Variants in CRNN observed in about 807,000 individuals in gnomAD.
CRNN encodes 53 kDa putative calcium-binding protein.
CRNN carries 39 observed loss-of-function variants against 44.7 expected under a neutral mutation model. That is an observed-to-expected ratio of 0.87 (90% confidence interval 0.68 to 1.14). CRNN has a LOEUF of 1.14. Ranked by LOEUF, CRNN falls within the 50% of genes most tolerant of loss-of-function variation. CRNN has a pLI of 0.00. For missense variants in CRNN, 606 were observed against 605.1 expected, an observed-to-expected ratio of 1.00 and a Z score of -0.02; for synonymous variants, 240 against 231.8, an observed-to-expected ratio of 1.04 and a Z score of -0.32.
chr1:152,409,291 A>G lies in CRNN; in HGVS notation c.*303T>C. On this transcript the variant is annotated 3_prime_UTR_variant, in exon 3 of 3. Transcript: ENST00000271835. Reference sequence around the variant, plus strand: ...TGCATTAGGGTAGATGGGGCAATAGAGAGATGTCAGAGATAAAAATAGTCC... The same window carrying G: ...TGCATTAGGGTAGATGGGGCAATAGGGAGATGTCAGAGATAAAAATAGTCC... 2.7e-6 allele frequency: 1 copy of G among 372,834 alleles called. No individual in the cohort carries two copies. Among genetic ancestry groups the G allele is most frequent in the Non-Finnish European group, 4.8e-6 (1 of 206,952 alleles). The allele number at this position is 372,834 out of a possible 1,614,324, so 23.1% of individuals were successfully genotyped here.
rs761133098 is a variant in CRNN at position 152,410,081 on chromosome 1, C to A, written c.1001G>T (p.Gly334Val). ...CACAGCCTGGCTGGTCTGGCTCCTGCCTTGACCGTGGATCTCAGTCCCTCT... is the reference window on the plus strand; with the variant it reads ...CACAGCCTGGCTGGTCTGGCTCCTGACTTGACCGTGGATCTCAGTCCCTCT... ...QNRGTEIHGQ[G>V]RSQTSQAVTG... The change falls in exon 3 of 3, where the codon GGC (glycine) becomes GTC (valine). Residue 334 changes from glycine (G) to valine (V), a missense_variant. Physicochemically the swap from Gly to Val is moderately radical, Grantham distance 109. Coordinates refer to ENST00000271835, the MANE Select transcript of CRNN (RefSeq NM_016190.3). 6.8e-6 allele frequency: 11 copies of A among 1,613,856 alleles called. No individual in the cohort carries two copies. In the African/African-American group the frequency reaches 9.4e-5, roughly 14 times the overall value.
At position 152,409,779 on chromosome 1, in the gene CRNN, G is replaced by C; in HGVS notation, c.1303C>G (p.Pro435Ala). The C allele has an allele frequency of 6.2e-7, 1 of 1,614,180 alleles. No individual in the cohort carries two copies. The highest frequency in any genetic ancestry group is 8.5e-7 in the Non-Finnish European group (1 of 1,180,026). Reference sequence around the variant, plus strand: ...ACCCATTCCTCACCAACCACTGTGGGCTGTCTGTCTCCCTGCCCTTCTGTC... The same window carrying C: ...ACCCATTCCTCACCAACCACTGTGGCCTGTCTGTCTCCCTGCCCTTCTGTC... ...CVTEGQGDRQ[P>A]TVVGEEWVDD... The change falls in exon 3 of 3, where the codon CCC becomes GCC. Residue 435 changes from proline (P) to alanine (A), a missense_variant. Transcript: ENST00000271835.
chr1:152,413,444 C>T (rs1033469770), intron 1 of CRNN, among the ~76,000 whole-genome samples: 12 of 151,774 alleles, frequency 7.9e-5, no homozygotes, highest in South Asian at 6.2e-4. Flanking sequence ...GAGGATGGGA[C>T]GAGGCAGATA....
Position 152,410,438 on chromosome 1 carries a change from C to G in CRNN, c.644G>C (p.Arg215Thr). 2 of 1,614,200 alleles carry G rather than the reference C, an allele frequency of 1.2e-6. No individual in the cohort carries two copies. The highest frequency in any genetic ancestry group is 1.7e-6 in the Non-Finnish European group (2 of 1,180,040). ...EMRPERQPQT[R>T]EQDRAHQTGE... Reference sequence around the variant, plus strand: ...TGTCTGGTGGGCTCTGTCCTGTTCCCTGGTCTGTGGCTGTCTCTCTGGCCT... The same window carrying G: ...TGTCTGGTGGGCTCTGTCCTGTTCCGTGGTCTGTGGCTGTCTCTCTGGCCT... The change falls in exon 3 of 3, where the codon AGG becomes ACG. Residue 215 changes from arginine (R) to threonine (T), a missense_variant. Arg to Thr is a moderately conservative substitution (Grantham distance 71). Coordinates refer to ENST00000271835, the MANE Select transcript of CRNN (RefSeq NM_016190.3).
intron 2 of CRNN, among the ~76,000 whole-genome samples, chr1:152,411,643 AT>A (rs1655768333): frequency 1.3e-5 from 2 of 152,200 alleles, no homozygotes; most frequent in African/African-American, 4.8e-5. Flanking sequence ...TTCTGATGTG[AT>A]CAGTCTGCTA....
chr1:152,410,881 C>G lies in CRNN; in HGVS notation c.201G>C (p.Gly67=). 1.2e-6 allele frequency: 2 copies of G among 1,614,118 alleles called. No homozygotes were observed. The highest frequency in any genetic ancestry group is 1.7e-6 in the Non-Finnish European group (2 of 1,180,006). The change falls in exon 3 of 3, where the codon GGG becomes GGC. Residue 67 remains glycine (G), a synonymous_variant. Transcript: ENST00000271835. The part of the protein sequence containing the change: ...VLRLLDEDHT[G]TVEFKEFLVL... ...CCAGGAATTCCTTGAATTCCACAGT[C>G]CCTGTGTGGTCTTCATCCAGCAGAC...
In CRNN at chr1:152,409,646, C is replaced by T. The variant is rs138795800; in HGVS notation, c.1436G>A (p.Arg479Gln). The change falls in exon 3 of 3, where the codon CGA becomes CAA. Residue 479 changes from arginine to glutamine, a missense_variant. Coordinates refer to ENST00000271835, the MANE Select transcript of CRNN (RefSeq NM_016190.3). ...GQDAAQSEEK[R>Q]GITARELYSY... ...ATACAGCTCTCTAGCTGTGATGCCT[C>T]GCTTCTCTTCTGACTGGGCTGCATC... 227 of 1,614,046 alleles carry T rather than the reference C, an allele frequency of 1.4e-4. No individual in the cohort carries two copies. The highest frequency in any genetic ancestry group is 4.9e-4 in the South Asian group (45 of 91,058).
chr1:152,410,617 C>T lies in CRNN; in HGVS notation c.465G>A (p.Gln155=). ...CCCACGCAGAGCCAGTGGCCTGACC[C>T]TGGGTCTGAACCCCAGGCCTGTTCT... The part of the protein sequence containing the change: ...RGQNRPGVQT[Q]GQATGSAWVS... The change falls in exon 3 of 3, where the codon CAG becomes CAA. Residue 155 remains glutamine (Q), a synonymous_variant. Coordinates refer to ENST00000271835, the MANE Select transcript of CRNN (RefSeq NM_016190.3). The T allele has an allele frequency of 6.2e-7, 1 of 1,614,178 alleles. No individual in the cohort carries two copies. Among genetic ancestry groups the T allele is most frequent in the Non-Finnish European group, 8.5e-7 (1 of 1,180,024 alleles).
At position 152,410,190 on chromosome 1, in the gene CRNN, G is replaced by A; in HGVS notation, c.892C>T (p.Pro298Ser). Residue 298 changes from proline (P) to serine (S), a missense_variant, in exon 3 of 3, where the codon CCC becomes TCC. Coordinates refer to ENST00000271835, the MANE Select transcript of CRNN (RefSeq NM_016190.3). ...CTGTCCTGCTCCACGGTCTGGGTGG[G>A]TGTCTGGGTGTGTGTCCCTGCCTGT... The part of the protein sequence containing the change: ...QIQAGTHTQT[P>S]TQTVEQDSSH... 1 of 1,595,778 alleles carries A rather than the reference G, an allele frequency of 6.3e-7. No homozygotes were observed. Among genetic ancestry groups the A allele is most frequent in the Non-Finnish European group, 8.5e-7 (1 of 1,175,658 alleles).
rs1402897605 is a variant in CRNN, at chr1:152,413,835, C to T, written c.-14+379G>A. The stretch of plus-strand genomic sequence containing the variant: ...GGGGAATCATGTAAACCCCTTCATC[C>T]ATGACACAGTTTGATCTTATTGTCT... On this transcript the variant is annotated intron_variant, in intron 1 of 2. Transcript: ENST00000271835. Among the ~76,000 whole-genome samples, 6 of 152,338 alleles carry T rather than the reference C, an allele frequency of 3.9e-5. No homozygotes were observed. In the East Asian group the frequency reaches 5.8e-4, roughly 15 times the overall value.
chr1:152,410,127 C>T lies in CRNN; in HGVS notation c.955G>A (p.Glu319Lys), dbSNP rs1655708753. The change falls in exon 3 of 3, where the codon GAG becomes AAG. Residue 319 changes from glutamate to lysine, a missense_variant. Physicochemically the swap from Glu to Lys is moderately conservative, Grantham distance 56. Coordinates refer to ENST00000271835, the MANE Select transcript of CRNN (RefSeq NM_016190.3). ...QTGSTSTQTQ[E>K]STNGQNRGTE... ...CCTCTGTTCTGGCCATTGGTGGACT[C>T]CTGTGTCTGGGTGCTGGTGCTTCCT... 6.2e-7 allele frequency: 1 copy of T among 1,613,046 alleles called. No individual in the cohort carries two copies. Among genetic ancestry groups the T allele is most frequent in the African/African-American group, 1.3e-5 (1 of 74,532 alleles).
At position 152,410,833 on chromosome 1, in the gene CRNN, C is replaced by T; in HGVS notation, c.249G>A (p.Gln83=). 1.2e-6 allele frequency: 2 copies of T among 1,614,230 alleles called. No individual in the cohort carries two copies. The highest frequency in any genetic ancestry group is 1.3e-5 in the African/African-American group (1 of 75,060). The change falls in exon 3 of 3, where the codon CAG becomes CAA. Residue 83 remains glutamine, a synonymous_variant. Coordinates refer to ENST00000271835, the MANE Select transcript of CRNN (RefSeq NM_016190.3). ...EFLVLVFKVA[Q]ACFKTLSESA... ...TCTCGCTCAGTGTCTTGAAACAGGC[C>T]TGGGCAACTTTAAACACTAAGACCA...
chr1:152,413,062 G>A (rs1655817930), intron 1 of CRNN, among the ~76,000 whole-genome samples: 1 of 152,114 alleles, frequency 6.6e-6, no homozygotes, highest in Non-Finnish European at 1.5e-5. Context: ...CAGGAGGGGG[G>A]AACCTTCTTT....
In CRNN at chr1:152,410,621, G is replaced by A. The variant is rs1234650015; in HGVS notation, c.461C>T (p.Thr154Ile). 1 of 1,614,106 alleles carries A rather than the reference G, an allele frequency of 6.2e-7. No homozygotes were observed. Among genetic ancestry groups the A allele is most frequent in the Middle Eastern group, 1.7e-4 (1 of 6,060 alleles). ...CGCAGAGCCAGTGGCCTGACCCTGG[G>A]TCTGAACCCCAGGCCTGTTCTGCCC... ...SRGQNRPGVQ[T>I]QGQATGSAWV... is the part of the protein sequence containing the mutation. The change falls in exon 3 of 3, where the codon ACC (threonine) becomes ATC (isoleucine). Residue 154 changes from threonine (T) to isoleucine (I), a missense_variant. Physicochemically the swap from Thr to Ile is moderately conservative, Grantham distance 89. Coordinates refer to ENST00000271835, the MANE Select transcript of CRNN (RefSeq NM_016190.3).
chr1:152,411,914 G>C (rs1025526490), intron 2 of CRNN, among the ~76,000 whole-genome samples, 182 bp downstream of exon 2: 7 of 152,130 alleles, frequency 4.6e-5, no homozygotes, highest in African/African-American at 1.7e-4. Flanking sequence ...GCCAGGACTT[G>C]CCAACTCCCA....
Position 152,409,647 on chromosome 1 carries a change from G to T in CRNN, c.1435C>A (p.Arg479=). The change falls in exon 3 of 3, where the codon CGA becomes AGA. Residue 479 remains arginine (R), a synonymous_variant. Transcript: ENST00000271835. ...TACAGCTCTCTAGCTGTGATGCCTC[G>T]CTTCTCTTCTGACTGGGCTGCATCC... ...GQDAAQSEEK[R]GITARELYSY... 1 of 1,614,080 alleles carries T rather than the reference G, an allele frequency of 6.2e-7. No individual in the cohort carries two copies. Among genetic ancestry groups the T allele is most frequent in the Non-Finnish European group, 8.5e-7 (1 of 1,179,994 alleles).
At chr1:152,412,071 C>G (rs1024636486) in intron 2 of CRNN, 25 bp downstream of exon 2, 1 of 1,580,694 alleles carries the variant, frequency 6.3e-7, no homozygotes, top group African/African-American at 1.4e-5. Flanking sequence ...TATGTCCCCT[C>G]TCCACCCGGC....
intron 1 of CRNN, among the ~76,000 whole-genome samples, chr1:152,413,517 A>C (rs966641813): frequency 2.1e-4 from 32 of 152,330 alleles, no homozygotes; most frequent in African/African-American, 7.5e-4. Context: ...AAAGCAGATT[A>C]GTGTGGCCAT....
At position 152,409,846 on chromosome 1, in the gene CRNN, T is replaced by C. The variant is rs1557914635; in HGVS notation, c.1236A>G (p.Ser412=). Residue 412 remains serine, a synonymous_variant, in exon 3 of 3, where the codon TCA becomes TCG. Transcript: ENST00000271835. ...GAGTGCTGCTCCACTCCTGCCTTCC[T>C]GACTCAGTGCTTGCCCCAGTCTGGG... The part of the protein sequence containing the change: ...GQAQTGASTE[S]GRQEWSSTHP... 6.2e-7 allele frequency: 1 copy of C among 1,614,104 alleles called. No homozygotes were observed. The highest frequency in any genetic ancestry group is 1.3e-5 in the African/African-American group (1 of 74,936).
Sources: gnomAD v4.1 joint callset for allele counts (sites outside exome capture counted in the v4.1 genomes callset) on GRCh38, gnomAD v4.1.1 for gene constraint, MANE v1.5 for transcripts, NCBI Gene and HGNC (gene_info 2026-07-23, HGNC 2026-07-21) for gene names.